The following VGLL3 variants were observed in gnomAD, a reference collection of about 807,000 sequenced individuals.
VGLL3 encodes transcription cofactor vestigial-like protein 3.
Under a neutral mutation model 29.2 loss-of-function variants are expected in VGLL3, and 18 were observed. The observed-to-expected ratio is 0.62, with a 90% confidence interval of 0.43 to 0.91. The LOEUF (loss-of-function observed/expected upper bound fraction) is 0.91, where lower values mean the gene tolerates loss of function less well. Ranked by LOEUF, VGLL3 falls within the 40% of genes least tolerant of loss-of-function variation. The pLI, the probability that VGLL3 is intolerant of heterozygous loss-of-function variation, is 0.00. For missense variants in VGLL3, 440 were observed against 413.2 expected (o/e 1.06, Z -0.56); for synonymous variants, 180 against 151.8 (o/e 1.19, Z -1.36).
chr3:86,966,773 GTATATATATA>G (rs55986686), intron 3 of VGLL3, among the ~76,000 whole-genome samples: 4,445 of 37,790 alleles, frequency 0.12, 193 homozygotes, highest in East Asian at 0.16. Flanking sequence ...GTGTGTGTGT[GTATATATATA>G]TATATATATA....
chr3:86,966,608 C>A (rs1019173593), intron 3 of VGLL3, among the ~76,000 whole-genome samples: 1 of 151,302 alleles, frequency 6.6e-6, no homozygotes. Context: ...GTTATCCCAG[C>A]AATCTCTCAG....
chr3:86,977,998 C>A (rs1420049020), intron 2 of VGLL3, among the ~76,000 whole-genome samples: 1 of 152,166 alleles, frequency 6.6e-6, no homozygotes, highest in African/African-American at 2.4e-5. Flanking sequence ...TAGTTTAAGC[C>A]ATGTGGATGC....
At chr3:86,971,038 G>A (rs759441620) in intron 2 of VGLL3, among the ~76,000 whole-genome samples, 2 of 152,124 alleles carry the variant, frequency 1.3e-5, no homozygotes, top group Non-Finnish European at 2.9e-5. Flanking sequence ...GTTTAAGAGA[G>A]TATTTTTATA....
chr3:86,981,052 A>G (rs1387643599), intron 1 of VGLL3, among the ~76,000 whole-genome samples: 2 of 152,158 alleles, frequency 1.3e-5, no homozygotes, highest in Non-Finnish European at 2.9e-5. Flanking sequence ...AACAATCCAA[A>G]TAAAGTCAAA....
Position 86,990,713 on chromosome 3 carries a change from G to A in VGLL3, c.31C>T (p.Gln11Ter), listed in dbSNP as rs1705567082. ...AGATACTGGGACGCTCCATAAGGCT[G>A]GGGGTGATACATCACCTCCGCACAA... MSCAEVMYHP[Q>*]PYGASQYLPN... The change falls in exon 1 of 4, where the codon CAG becomes TAG. Residue 11 changes from glutamine to a stop codon, truncating the protein, a stop_gained. Transcript: ENST00000398399. LOFTEE classifies it high-confidence loss of function. 7.0e-7 allele frequency: 1 copy of A among 1,432,210 alleles called. No homozygotes were observed. Among genetic ancestry groups the A allele is most frequent in the Non-Finnish European group, 9.1e-7 (1 of 1,092,956 alleles). The allele number at this position is 1,432,210 out of a possible 1,614,324, so 88.7% of individuals were successfully genotyped here. A position where few individuals can be genotyped will look rare whatever the true frequency, so the allele number is the denominator to read the frequency against.
intron 1 of VGLL3, among the ~76,000 whole-genome samples, chr3:86,987,610 T>C (rs1402257408): frequency 6.6e-6 from 1 of 152,176 alleles, no homozygotes; most frequent in African/African-American, 2.4e-5. Flanking sequence ...AAAGAGATGG[T>C]GGGCATGCGA....
chr3:86,990,466 C>G lies in VGLL3; in HGVS notation c.126+152G>C, dbSNP rs934714690. ...ACCCTGCTGCTCTCCCTTCCCGGCTCTCTCGGGATGGCTTTCTGCTCAAGG... is the reference window on the plus strand; with the variant it reads ...ACCCTGCTGCTCTCCCTTCCCGGCTGTCTCGGGATGGCTTTCTGCTCAAGG... On this transcript the variant is annotated intron_variant, in intron 1 of 3. Coordinates refer to ENST00000398399, the MANE Select transcript of VGLL3 (RefSeq NM_016206.4). 5 of 1,234,180 alleles carry G rather than the reference C, an allele frequency of 4.1e-6. No individual in the cohort carries two copies. The African/African-American group carries it at 6.2e-5, about 15-fold the overall frequency. 76.5% of individuals were successfully genotyped at this position (1,234,180 alleles called of 1,614,324 possible).
At chr3:86,978,108 A>G (rs1705247109) in intron 2 of VGLL3, among the ~76,000 whole-genome samples, 1 of 152,238 alleles carries the variant, frequency 6.6e-6, no homozygotes, top group South Asian at 2.1e-4. Flanking sequence ...CAATGTCTGT[A>G]TTCCTGGGTC....
At position 86,990,600 on chromosome 3, in the gene VGLL3, G is replaced by C. The variant is rs758356718; in HGVS notation, c.126+18C>G. ...CCTTCGCCCCCGCCCCCAGCAGGCT[G>C]CCCGTCCGGTGACTCACCTGCTGGC... On this transcript the variant is annotated intron_variant, in intron 1 of 3. Coordinates refer to ENST00000398399, the MANE Select transcript of VGLL3 (RefSeq NM_016206.4). 8.2e-6 allele frequency: 11 copies of C among 1,335,086 alleles called. No homozygotes were observed. The highest frequency in any genetic ancestry group is 1.1e-5 in the Non-Finnish European group (11 of 1,033,952). 82.7% of individuals were successfully genotyped at this position (1,335,086 alleles called of 1,614,324 possible).
At position 86,940,001 on chromosome 3, in the gene VGLL3, A is replaced by T. The variant is rs1291944026; in HGVS notation, c.*7023T>A. 2.0e-4 allele frequency: 31 copies of T among 152,158 alleles called. No homozygotes were observed. Among genetic ancestry groups the T allele is most frequent in the Admixed American group, 2.0e-3 (31 of 15,284 alleles). The allele number at this position is 152,158 out of a possible 1,614,324, so 9.4% of individuals were successfully genotyped here. On this transcript the variant is annotated 3_prime_UTR_variant, in exon 4 of 4. Coordinates refer to ENST00000398399, the MANE Select transcript of VGLL3 (RefSeq NM_016206.4). ...CCGTTATCGTTGTAGTAATGTAGTAATATTTTACAGCAGTTCTAAAAATCT... is the reference window on the plus strand; with the variant it reads ...CCGTTATCGTTGTAGTAATGTAGTATTATTTTACAGCAGTTCTAAAAATCT...
chr3:86,956,531 A>G (rs907066664), intron 3 of VGLL3, among the ~76,000 whole-genome samples: 1 of 152,220 alleles, frequency 6.6e-6, no homozygotes, highest in Non-Finnish European at 1.5e-5. Context: ...TCACGCCTGT[A>G]ATCCCAGCAC....
In VGLL3 at chr3:86,978,631, A is replaced by C. The variant is rs765592287; in HGVS notation, c.298T>G (p.Ser100Ala). ...CTTGAGAAGTGTTCATCCACTACTG[A>C]CCCAATGTCTCCCTGGAAATAAGTG... Reference protein sequence around the residue: ...LFTYFQGDIGSVVDEHFSRAL... With the variant: ...LFTYFQGDIGAVVDEHFSRAL... Residue 100 changes from serine to alanine, a missense_variant, in exon 2 of 4, where the codon TCA becomes GCA. Ser to Ala is a moderately conservative substitution (Grantham distance 99). Coordinates refer to ENST00000398399, the MANE Select transcript of VGLL3 (RefSeq NM_016206.4). The C allele has an allele frequency of 6.2e-7, 1 of 1,614,088 alleles. No homozygotes were observed. Among genetic ancestry groups the C allele is most frequent in the Non-Finnish European group, 8.5e-7 (1 of 1,180,014 alleles).
intron 1 of VGLL3, among the ~76,000 whole-genome samples, chr3:86,981,307 A>T (rs1401109465): frequency 2.0e-5 from 3 of 152,024 alleles, no homozygotes; most frequent in African/African-American, 4.8e-5. Context: ...GCTTCATAAT[A>T]TTGTGTTACT....
intron 2 of VGLL3, among the ~76,000 whole-genome samples, chr3:86,977,512 G>T (rs892920470): frequency 6.6e-6 from 1 of 152,178 alleles, no homozygotes. Flanking sequence ...GAAGATTCTA[G>T]TTCAATAGAT....
intron 3 of VGLL3, among the ~76,000 whole-genome samples, chr3:86,955,364 A>ATCTC (rs1240675243): frequency 6.7e-6 from 1 of 148,362 alleles, no homozygotes; most frequent in Non-Finnish European, 1.5e-5. Context: ...GAAACTTTTC[A>ATCTC]TCTCTCTCTC....
At chr3:86,952,497 C>T (rs957140638) in intron 3 of VGLL3, among the ~76,000 whole-genome samples, 4 of 151,952 alleles carry the variant, frequency 2.6e-5, no homozygotes, top group African/African-American at 9.7e-5. Flanking sequence ...CAATGGGAAA[C>T]ATGCTGTTGA....
At chr3:86,953,215 T>C (rs954925855) in intron 3 of VGLL3, among the ~76,000 whole-genome samples, 3 of 152,174 alleles carry the variant, frequency 2.0e-5, no homozygotes, top group African/African-American at 7.2e-5. Flanking sequence ...ATATCACCTA[T>C]CATCAGACAA....
At chr3:86,989,044 T>C (rs899250385) in intron 1 of VGLL3, among the ~76,000 whole-genome samples, 3 of 152,160 alleles carry the variant, frequency 2.0e-5, no homozygotes, top group African/African-American at 7.2e-5. Flanking sequence ...GATTGGCAAT[T>C]TGCCATTTTC....
intron 3 of VGLL3, among the ~76,000 whole-genome samples, chr3:86,959,686 T>TA (rs779960121): frequency 1.7e-4 from 26 of 152,162 alleles, no homozygotes; most frequent in Non-Finnish European, 3.4e-4. Context: ...GTCCTTTTTG[T>TA]AAATGTAACT....
Sources: gnomAD v4.1 joint callset for allele counts (sites outside exome capture counted in the v4.1 genomes callset) on GRCh38, gnomAD v4.1.1 for gene constraint, MANE v1.5 for transcripts, NCBI Gene and HGNC (gene_info 2026-07-23, HGNC 2026-07-21) for gene names.